KLHL8: variants seen among roughly 807,000 people sequenced by gnomAD.
The protein encoded by KLHL8 is kelch-like protein 8.
Under a neutral mutation model 63.5 loss-of-function variants are expected in KLHL8, and 38 were observed. The observed-to-expected ratio is 0.60, with a 90% CI of 0.46 to 0.78. The LOEUF (loss-of-function observed/expected upper bound fraction) is 0.78. KLHL8 is among the 30% of genes least tolerant of loss of function. KLHL8 has a pLI of 0.00. For missense variants in KLHL8, 566 were observed against 752.4 expected (o/e 0.75, Z 2.90); for synonymous variants, 224 against 254.3 (o/e 0.88, Z 1.13).
chr4:87,167,609 C>T (rs1730452539), intron 8 of KLHL8: 11 of 492,308 alleles, frequency 2.2e-5, no homozygotes, highest in South Asian at 1.5e-4. Context: ...GGAAGCAGCA[C>T]CATGTGCTGC....
At chr4:87,194,486 C>T (rs1473565355) in intron 2 of KLHL8, among the ~76,000 whole-genome samples, 3 of 152,176 alleles carry the variant, frequency 2.0e-5, no homozygotes, top group African/African-American at 7.2e-5. Context: ...GCCTGGGCAA[C>T]ATAGCAAGAC....
chr4:87,232,708 C>T (rs1044709701), intron 1 of KLHL8, among the ~76,000 whole-genome samples: 1 of 152,136 alleles, frequency 6.6e-6, no homozygotes, highest in Non-Finnish European at 1.5e-5. Context: ...TAATTTATAC[C>T]AGTGGTAGAC....
chr4:87,238,429 A>G (rs567660512), intron 1 of KLHL8, among the ~76,000 whole-genome samples: 1 of 152,334 alleles, frequency 6.6e-6, no homozygotes, highest in South Asian at 2.1e-4. Flanking sequence ...GGTGGCTCAT[A>G]ACTATAATCC....
chr4:87,232,106 ATAAT>A (rs1160631368), intron 1 of KLHL8, among the ~76,000 whole-genome samples: 3 of 152,234 alleles, frequency 2.0e-5, no homozygotes, highest in African/African-American at 7.2e-5. Flanking sequence ...TATAAAAAGG[ATAAT>A]TAAATAGAAC....
intron 8 of KLHL8, among the ~76,000 whole-genome samples, chr4:87,168,022 G>T (rs1364812697): frequency 6.6e-6 from 1 of 152,110 alleles, no homozygotes; most frequent in Admixed American, 6.5e-5. Flanking sequence ...TGCTCACTTG[G>T]CTCTCTTTAC....
rs764444844 is a variant in KLHL8, at chr4:87,170,633, C to A, written c.1209-18G>T. ...TTCCTCGCCTGCAAAGACAATAAAA[C>A]ATACTTTAGCAAATGAGTTTGTTTC... is the stretch of plus-strand genomic sequence containing the variant. On this transcript the variant is annotated intron_variant, in intron 6 of 9. Coordinates refer to ENST00000273963, the MANE Select transcript of KLHL8 (RefSeq NM_020803.5). 6.3e-7 allele frequency: 1 copy of A among 1,584,240 alleles called. No individual in the cohort carries two copies. The highest frequency in any genetic ancestry group is 2.2e-5 in the East Asian group (1 of 44,742).
intron 6 of KLHL8, 86 bp downstream of exon 6, chr4:87,176,671 G>GA (rs769103341): frequency 7.4e-5 from 57 of 768,278 alleles, no homozygotes; most frequent in African/African-American, 3.7e-4. Context: ...TTCTAAAGTA[G>GA]AAAAAAAAGT....
intron 1 of KLHL8, chr4:87,208,206 T>C: frequency 6.2e-6 from 2 of 324,516 alleles, no homozygotes; most frequent in South Asian, 2.6e-5. Flanking sequence ...CCCTCCTCAC[T>C]TTCCATGTAG....
chr4:87,224,426 C>T (rs976901114), upstream of KLHL8, among the ~76,000 whole-genome samples: 2 of 152,014 alleles, frequency 1.3e-5, no homozygotes, highest in Admixed American at 1.3e-4. Flanking sequence ...TGTGGCTTGC[C>T]GAGGGATTTG....
rs140104152 is a variant in KLHL8 at position 87,193,310 on chromosome 4, T to C, written c.216+2014A>G. On this transcript the variant is annotated intron_variant, in intron 2 of 9. Transcript: ENST00000273963. ...AAAACTAAGACACAAACTCAGACAG[T>C]AGCCTGCATCTATATCAAGTCAGGA... 7.2e-3 allele frequency among the ~76,000 whole-genome samples: 1,100 copies of C among 152,266 alleles called. 10 individuals carry two copies. Among genetic ancestry groups the C allele is most frequent in the African/African-American group, 0.025 (1,047 of 41,538 alleles).
upstream of KLHL8, among the ~76,000 whole-genome samples, chr4:87,225,027 C>G (rs1732948174): frequency 6.6e-6 from 1 of 152,066 alleles, no homozygotes; most frequent in Non-Finnish European, 1.5e-5. Context: ...ATCCTCCTGC[C>G]TTAGCTTCCC....
At chr4:87,207,244 T>C (rs2110036223) in intron 1 of KLHL8, 3 of 568,004 alleles carry the variant, frequency 5.3e-6, no homozygotes, top group Admixed American at 2.1e-5. Context: ...ATTTTACCTA[T>C]GGCAAATTCC....
chr4:87,163,510 G>A lies in KLHL8; in HGVS notation c.*9C>T. The A allele has an allele frequency of 6.2e-7, 1 of 1,613,654 alleles. No individual in the cohort carries two copies. The highest frequency in any genetic ancestry group is 1.3e-5 in the African/African-American group (1 of 75,018). On this transcript the variant is annotated 3_prime_UTR_variant, in exon 10 of 10. Coordinates refer to ENST00000273963, the MANE Select transcript of KLHL8 (RefSeq NM_020803.5). ...GATATGACTAAATTGTTGGTGGCCAGAACTCAAATCACATACAGTCAACCA... is the reference window on the plus strand; with the variant it reads ...GATATGACTAAATTGTTGGTGGCCAAAACTCAAATCACATACAGTCAACCA...
Position 87,161,880 on chromosome 4 carries a change from T to C in KLHL8, c.*1639A>G, listed in dbSNP as rs1181535079. On this transcript the variant is annotated 3_prime_UTR_variant, in exon 10 of 10. Transcript: ENST00000273963. ...ATAGCTTACTGGATTTATATCTGCT[T>C]CATAAGAGACTTTTATCTGCCAGCC... 6.6e-6 allele frequency: 1 copy of C among 152,248 alleles called. No homozygotes were observed. Among genetic ancestry groups the C allele is most frequent in the East Asian group, 1.9e-4 (1 of 5,202 alleles). 9.4% of individuals were successfully genotyped at this position (152,248 alleles called of 1,614,324 possible). A position where few individuals can be genotyped will look rare whatever the true frequency, so the allele number is the denominator to read the frequency against.
intron 3 of KLHL8, 120 bp from the exon 4 acceptor site, chr4:87,183,509 G>T: frequency 1.4e-6 from 1 of 736,044 alleles, no homozygotes; most frequent in Non-Finnish European, 2.1e-6. Context: ...TTCTACTGCA[G>T]CATGTTCTCT....
chr4:87,160,105 T>G lies in KLHL8; in HGVS notation c.*3414A>C, dbSNP rs1161610732. 6 of 152,284 alleles carry G rather than the reference T, an allele frequency of 3.9e-5. No individual in the cohort carries two copies. The allele number at this position is 152,284 out of a possible 1,614,324, so 9.4% of individuals were successfully genotyped here. On this transcript the variant is annotated 3_prime_UTR_variant, in exon 10 of 10. Coordinates refer to ENST00000273963, the MANE Select transcript of KLHL8 (RefSeq NM_020803.5). ...TACACAGACCTTTTAGAGAGAAGTT[T>G]GTGCTAATAGAAATATGCAATGTAT...
intron 5 of KLHL8, among the ~76,000 whole-genome samples, chr4:87,178,194 T>A (rs923340937): frequency 6.6e-6 from 1 of 152,174 alleles, no homozygotes; most frequent in Non-Finnish European, 1.5e-5. Flanking sequence ...GATATGTAAT[T>A]ATAATTTGAG....
intron 4 of KLHL8, 25 bp from the exon 5 acceptor site, chr4:87,178,645 G>A: frequency 6.7e-7 from 1 of 1,481,788 alleles, no homozygotes; most frequent in Non-Finnish European, 8.9e-7. Context: ...ACAAAATAGA[G>A]ATAAATCATA....
intron 1 of KLHL8, among the ~76,000 whole-genome samples, chr4:87,204,753 A>C (rs995100744): frequency 2.2e-4 from 33 of 152,354 alleles, no homozygotes; most frequent in African/African-American, 7.2e-4. Flanking sequence ...TGATATCCTC[A>C]AAAGGATAAA....
Sources: gnomAD v4.1 joint callset for allele counts (sites outside exome capture counted in the v4.1 genomes callset) on GRCh38, gnomAD v4.1.1 for gene constraint, MANE v1.5 for transcripts, NCBI Gene and HGNC (gene_info 2026-07-23, HGNC 2026-07-21) for gene names.